GPR183: variants seen among roughly 807,000 people sequenced by gnomAD.
GPR183 encodes the protein EBV-induced G-protein coupled receptor 2.
In GPR183, 9 loss-of-function variants were observed where a neutral mutation model predicts 19.7. The observed-to-expected ratio is 0.46, with a 90% confidence interval of 0.28 to 0.80. The LOEUF (loss-of-function observed/expected upper bound fraction) is 0.80, where lower values mean the gene tolerates loss of function less well. Ranked by LOEUF, GPR183 falls within the 30% of genes least tolerant of loss-of-function variation. The pLI, the probability that GPR183 is intolerant of heterozygous loss-of-function variation, is 0.13. For synonymous variants in GPR183, 160 were observed against 155.1 expected (o/e 1.03, Z -0.24); for missense variants, 368 against 446.7 (o/e 0.82, Z 1.59).
intron 1 of GPR183, among the ~76,000 whole-genome samples, chr13:99,299,269 G>C (rs1029050135): frequency 6.6e-6 from 1 of 152,208 alleles, no homozygotes; most frequent in Non-Finnish European, 1.5e-5. Context: ...TCCTTCATTA[G>C]GGGATTAAAT....
chr13:99,306,405 G>C (rs1029363925), intron 1 of GPR183, among the ~76,000 whole-genome samples: 7 of 145,478 alleles, frequency 4.8e-5, no homozygotes, highest in African/African-American at 1.1e-4. Context: ...ACTTGTGTGT[G>C]GGGGGGCCAC....
chr13:99,305,017 G>C (rs1032270822), intron 1 of GPR183, among the ~76,000 whole-genome samples: 7 of 152,102 alleles, frequency 4.6e-5, no homozygotes, highest in African/African-American at 1.4e-4. Context: ...GAGTTTATTA[G>C]TTTATTTGTA....
rs2044146253 is a variant in GPR183 at position 99,294,995 on chromosome 13, A to G, written c.*65T>C. ...GGAAGCTGAACAATTATTTTGCTTT[A>G]TAAGGGAAGTCCTGCAAAGTTTGTC... On this transcript the variant is annotated 3_prime_UTR_variant, in exon 2 of 2. Transcript: ENST00000376414. 2.6e-6 allele frequency: 4 copies of G among 1,511,824 alleles called. No homozygotes were observed. The highest frequency in any genetic ancestry group is 2.6e-5 in the South Asian group (2 of 75,570). 93.7% of individuals were successfully genotyped at this position (1,511,824 alleles called of 1,614,324 possible). A position where few individuals can be genotyped will look rare whatever the true frequency, so the allele number is the denominator to read the frequency against.
intron 1 of GPR183, 39 bp from the exon 2 acceptor site, chr13:99,296,202 T>C: frequency 2.0e-6 from 3 of 1,485,794 alleles, no homozygotes; most frequent in Non-Finnish European, 2.7e-6. Flanking sequence ...AGTAAAAGCA[T>C]ATGTATTCAG....
intron 1 of GPR183, among the ~76,000 whole-genome samples, chr13:99,303,023 G>GA (rs1160387367): frequency 6.6e-6 from 1 of 151,528 alleles, no homozygotes; most frequent in Non-Finnish European, 1.5e-5. Context: ...GCCTCCTGGG[G>GA]GCTTGCTTTC....
intron 1 of GPR183, 63 bp from the exon 2 acceptor site, chr13:99,296,226 T>C (rs978023555): frequency 3.3e-5 from 45 of 1,375,618 alleles, no homozygotes; most frequent in Non-Finnish European, 4.1e-5. Flanking sequence ...GATTACTCAT[T>C]AGTTTTAAAA....
rs1221236669 is a variant in GPR183, at chr13:99,296,031, T to C, written c.115A>G (p.Ser39Gly). The change falls in exon 2 of 2, where the codon AGC becomes GGC. Residue 39 changes from serine to glycine, a missense_variant. Ser to Gly is a moderately conservative substitution (Grantham distance 56, BLOSUM62 0). Coordinates refer to ENST00000376414, the MANE Select transcript of GPR183 (RefSeq NM_004951.5). ...TARIVMPLHYSLVFIIGLVGN... is the reference protein window; with the variant it reads ...TARIVMPLHYGLVFIIGLVGN... The stretch of plus-strand genomic sequence containing the variant: ...ACGAGCCCAATGATGAAGACGAGGC[T>C]GTAATGCAGAGGCATTACTATCCTG... 4 of 1,614,044 alleles carry C rather than the reference T, an allele frequency of 2.5e-6. No individual in the cohort carries two copies. The Admixed American group carries it at 6.7e-5, about 27-fold the overall frequency.
intron 1 of GPR183, 132 bp downstream of exon 1, chr13:99,307,208 A>G (rs755097376): frequency 6.6e-6 from 1 of 152,178 alleles, no homozygotes. Context: ...TTATTAATAT[A>G]ATTTTTGTTA....
rs771384072 is a variant in GPR183 at position 99,295,219 on chromosome 13, G to A, written c.927C>T (p.Phe309=). 48 of 1,614,104 alleles carry A rather than the reference G, an allele frequency of 3.0e-5. No individual in the cohort carries two copies. Among genetic ancestry groups the A allele is most frequent in the Middle Eastern group, 1.6e-4 (1 of 6,062 alleles). ...FNCCMDPFIY[F]FACKGYKRKV... ...TTCTCTTATACCCTTTACATGCAAA[G>A]AAGTAGATAAAAGGGTCCATGCAGC... is the stretch of plus-strand genomic sequence containing the variant. Residue 309 remains phenylalanine, a synonymous_variant, in exon 2 of 2, where the codon TTC becomes TTT. Transcript: ENST00000376414. This position sits in a 1 kb window ranked among gnomAD's most constrained non-coding sequence, Gnocchi z 4.1.
chr13:99,302,984 G>A (rs1049964378), intron 1 of GPR183, among the ~76,000 whole-genome samples: 3 of 142,778 alleles, frequency 2.1e-5, no homozygotes, highest in Admixed American at 7.2e-5. Flanking sequence ...AGAGTTGACT[G>A]TGGTCCGTCT....
At chr13:99,303,198 A>G (rs58282002) in intron 1 of GPR183, among the ~76,000 whole-genome samples, 2,304 of 152,336 alleles carry the variant, frequency 0.015, 59 homozygotes, top group African/African-American at 0.053. Context: ...TCTTCAAGAC[A>G]GAAAAAGACA....
rs1201182510 is a variant in GPR183, at chr13:99,295,411, T to C, written c.735A>G (p.Thr245=). 2 of 1,614,084 alleles carry C rather than the reference T, an allele frequency of 1.2e-6. No individual in the cohort carries two copies. The highest frequency in any genetic ancestry group is 3.3e-5 in the Admixed American group (2 of 60,016). ...CAAACACAACAATAATAAGAATAATTGTGTTGAGAGCCTTTTTGTTTACAC... is the reference window on the plus strand; with the variant it reads ...CAAACACAACAATAATAAGAATAATCGTGTTGAGAGCCTTTTTGTTTACAC... ...KSGVNKKALN[T]IILIIVVFVL... Residue 245 remains threonine, a synonymous_variant, in exon 2 of 2, where the codon ACA becomes ACG. Coordinates refer to ENST00000376414, the MANE Select transcript of GPR183 (RefSeq NM_004951.5). The surrounding 1 kb of genome is among the most constrained non-coding windows in gnomAD (Gnocchi z 4.1).
rs2044145715 is a variant in GPR183, at chr13:99,294,956, A to G, written c.*104T>C. On this transcript the variant is annotated 3_prime_UTR_variant, in exon 2 of 2. Coordinates refer to ENST00000376414, the MANE Select transcript of GPR183 (RefSeq NM_004951.5). ...GAAAGTGCCCAATGAAAGAAATATAAAAGAATACTAATTGGAAGCTGAACA... is the reference window on the plus strand; with the variant it reads ...GAAAGTGCCCAATGAAAGAAATATAGAAGAATACTAATTGGAAGCTGAACA... 9 of 1,329,742 alleles carry G rather than the reference A, an allele frequency of 6.8e-6. No homozygotes were observed. The South Asian group carries it at 1.0e-4, about 15-fold the overall frequency. 82.4% of individuals were successfully genotyped at this position (1,329,742 alleles called of 1,614,324 possible).
chr13:99,300,924 A>G (rs1442419411), intron 1 of GPR183, among the ~76,000 whole-genome samples: 2 of 152,184 alleles, frequency 1.3e-5, no homozygotes, highest in African/African-American at 2.4e-5. Flanking sequence ...TCTTAAGTAT[A>G]TTTTAAGTAT....
At position 99,295,840 on chromosome 13, in the gene GPR183, G is replaced by T; in HGVS notation, c.306C>A (p.Ala102=). The change falls in exon 2 of 2, where the codon GCC becomes GCA. Residue 102 remains alanine (A), a synonymous_variant. Coordinates refer to ENST00000376414, the MANE Select transcript of GPR183 (RefSeq NM_004951.5). The surrounding 1 kb of genome is among the most constrained non-coding windows in gnomAD (Gnocchi z 4.1). Reference sequence around the variant, plus strand: ...ACACTAGCGCAGTTATCCTACACAAGGCATCTCCGATTCTCCAGTCAAAGC... The same window carrying T: ...ACACTAGCGCAGTTATCCTACACAATGCATCTCCGATTCTCCAGTCAAAGC... The part of the protein sequence containing the change: ...AMGFDWRIGD[A]LCRITALVFY... 1.9e-6 allele frequency: 3 copies of T among 1,606,088 alleles called. No individual in the cohort carries two copies. Among genetic ancestry groups the T allele is most frequent in the Middle Eastern group, 1.7e-4 (1 of 6,018 alleles).
intron 1 of GPR183, among the ~76,000 whole-genome samples, chr13:99,302,304 T>C (rs1246089054): frequency 6.6e-6 from 1 of 152,104 alleles, no homozygotes; most frequent in Non-Finnish European, 1.5e-5. Flanking sequence ...AGAAATAAAA[T>C]CATTGGAAAG....
At chr13:99,305,451 C>T (rs980120975) in intron 1 of GPR183, among the ~76,000 whole-genome samples, 4 of 152,294 alleles carry the variant, frequency 2.6e-5, no homozygotes, top group Middle Eastern at 3.4e-3. Flanking sequence ...TCCCTGTAAA[C>T]GGCTTTATTA....
chr13:99,295,343 A>G lies in GPR183; in HGVS notation c.803T>C (p.Met268Thr), dbSNP rs746313675. Residue 268 changes from methionine (M) to threonine (T), a missense_variant, in exon 2 of 2, where the codon ATG becomes ACG. Met to Thr is a moderately conservative substitution (Grantham distance 81). Transcript: ENST00000376414. This position sits in a 1 kb window ranked among gnomAD's most constrained non-coding sequence, Gnocchi z 4.1. Reference protein sequence around the residue: ...TPYHVAIIQHMIKKLRFSNFL... With the variant: ...TPYHVAIIQHTIKKLRFSNFL... Reference sequence around the variant, plus strand: ...ATTAGAGAAACGAAGCTTCTTAATCATATGTTGAATAATTGCAACATGGTA... The same window carrying G: ...ATTAGAGAAACGAAGCTTCTTAATCGTATGTTGAATAATTGCAACATGGTA... 2 of 1,614,098 alleles carry G rather than the reference A, an allele frequency of 1.2e-6. No individual in the cohort carries two copies. Among genetic ancestry groups the G allele is most frequent in the South Asian group, 1.1e-5 (1 of 91,082 alleles).
chr13:99,303,959 C>CT (rs2044293361), intron 1 of GPR183, among the ~76,000 whole-genome samples: 1 of 152,194 alleles, frequency 6.6e-6, no homozygotes, highest in Non-Finnish European at 1.5e-5. Flanking sequence ...GCCTTGTGCT[C>CT]TGCTGCACAT....
Sources: allele counts gnomAD v4.1 joint callset (sites outside exome capture counted in the v4.1 genomes callset), GRCh38; gene constraint gnomAD v4.1.1; non-coding constraint Gnocchi (gnomAD v3.1); transcripts MANE v1.5; gene names NCBI Gene and HGNC (gene_info 2026-07-23, HGNC 2026-07-21).